NKAIN3: variants seen among roughly 807,000 people sequenced by gnomAD.
NKAIN3 encodes the protein sodium/potassium transporting ATPase interacting 3.
A neutral mutation model predicts 30.2 loss-of-function variants in NKAIN3; 25 were observed. The ratio of observed to expected loss-of-function variants is 0.83; its 90% confidence interval spans 0.60 to 1.16. The LOEUF is 1.16. Among genes scored for constraint, NKAIN3 ranks in the 50% most tolerant of loss-of-function variants. The pLI is 0.00. For missense variants in NKAIN3, 225 were observed against 254.1 expected, an observed-to-expected ratio of 0.89 and a Z score of 0.78; for synonymous variants, 91 against 89.6, an observed-to-expected ratio of 1.02 and a Z score of -0.09.
intron 4 of NKAIN3, among the ~76,000 whole-genome samples, chr8:62,822,179 A>G (rs890190158): frequency 2.0e-5 from 3 of 152,172 alleles, no homozygotes; most frequent in African/African-American, 7.2e-5. Context: ...ACTGACCTAT[A>G]GTGATTGTTC....
chr8:62,449,460 T>G (rs576633325), intron 1 of NKAIN3, among the ~76,000 whole-genome samples: 18 of 152,188 alleles, frequency 1.2e-4, no homozygotes, highest in Admixed American at 2.6e-4. Context: ...CTTTCATATA[T>G]ATGTCACCAT....
chr8:62,989,830 T>C (rs190892647), downstream of NKAIN3, among the ~76,000 whole-genome samples: 2 of 152,350 alleles, frequency 1.3e-5, no homozygotes, highest in Non-Finnish European at 2.9e-5. Flanking sequence ...TTATTAGACA[T>C]TGAACCCTAA....
At chr8:62,464,164 G>A (rs1806083282) in intron 1 of NKAIN3, among the ~76,000 whole-genome samples, 1 of 152,094 alleles carries the variant, frequency 6.6e-6, no homozygotes, top group African/African-American at 2.4e-5. Context: ...GGAGTATGTG[G>A]GAATTCTCCA....
chr8:62,584,285 G>C (rs1333915682), intron 2 of NKAIN3, among the ~76,000 whole-genome samples: 1 of 152,148 alleles, frequency 6.6e-6, no homozygotes, highest in African/African-American at 2.4e-5. Flanking sequence ...GGAGCACCAG[G>C]TATGTGCTAA....
chr8:62,717,670 T>G (rs943466388), intron 3 of NKAIN3, among the ~76,000 whole-genome samples: 1 of 152,236 alleles, frequency 6.6e-6, no homozygotes, highest in Non-Finnish European at 1.5e-5. Flanking sequence ...TTATTTGTTA[T>G]GTATGTCTGT....
At chr8:62,650,484 C>T (rs1812590120) in intron 3 of NKAIN3, among the ~76,000 whole-genome samples, 1 of 152,172 alleles carries the variant, frequency 6.6e-6, no homozygotes, top group Non-Finnish European at 1.5e-5. Context: ...TCTAAGGACA[C>T]ATTGTCTGCT....
intron 1 of NKAIN3, among the ~76,000 whole-genome samples, chr8:62,448,458 G>T (rs1805548061): frequency 7.0e-6 from 1 of 143,214 alleles, no homozygotes. Flanking sequence ...GTAACATATT[G>T]TAGAGCTTCT....
At chr8:62,633,402 C>A (rs1208436906) in intron 3 of NKAIN3, among the ~76,000 whole-genome samples, 1 of 152,070 alleles carries the variant, frequency 6.6e-6, no homozygotes, top group East Asian at 1.9e-4. Flanking sequence ...TTTGTATATA[C>A]ATTTATGGTT....
At chr8:62,525,593 C>A (rs775164254) in intron 1 of NKAIN3, among the ~76,000 whole-genome samples, 5 of 152,130 alleles carry the variant, frequency 3.3e-5, no homozygotes, top group Non-Finnish European at 7.4e-5. Context: ...ATCATAAAGG[C>A]ACATGCAGGT....
intron 3 of NKAIN3, among the ~76,000 whole-genome samples, chr8:62,625,279 GT>G (rs1811757030): frequency 1.3e-5 from 2 of 152,206 alleles, no homozygotes. Flanking sequence ...GACTTTAAGT[GT>G]TATCATAAGT....
At chr8:62,407,000 T>G (rs1466899442) in intron 1 of NKAIN3, among the ~76,000 whole-genome samples, 1 of 152,218 alleles carries the variant, frequency 6.6e-6, no homozygotes, top group African/African-American at 2.4e-5. Flanking sequence ...CATCACTGGC[T>G]GAATTAGAAT....
rs1296547801 is a variant in NKAIN3 at position 62,490,371 on chromosome 8, TA to T, written c.55-89165del. 2.6e-5 allele frequency among the ~76,000 whole-genome samples: 4 copies of T among 152,306 alleles called. No homozygotes were observed. In the East Asian group the frequency reaches 7.7e-4, roughly 29 times the overall value. On this transcript the variant is annotated intron_variant, in intron 1 of 6. Transcript: ENST00000623646. ...CGGTTTAGCTGGCCCTGCAATTGTA[TA>T]AACAAATCACATGCAATAAATCTCT...
At chr8:62,907,530 A>C (rs1011507848) in intron 4 of NKAIN3, among the ~76,000 whole-genome samples, 10 of 152,156 alleles carry the variant, frequency 6.6e-5, no homozygotes, top group Non-Finnish European at 1.2e-4. Context: ...CCCCATAACA[A>C]GCTGGTAGGC....
intron 3 of NKAIN3, among the ~76,000 whole-genome samples, chr8:62,667,655 G>A (rs1813169359): frequency 2.0e-5 from 3 of 151,740 alleles, no homozygotes; most frequent in Admixed American, 1.3e-4. Flanking sequence ...TTCCATGCTC[G>A]CCACCCCGCT....
intron 1 of NKAIN3, among the ~76,000 whole-genome samples, chr8:62,296,066 C>A (rs1813818281): frequency 6.6e-6 from 1 of 152,168 alleles, no homozygotes; most frequent in South Asian, 2.1e-4. Context: ...TTGACTACAG[C>A]AAATGCCCCC....
At chr8:62,431,160 A>G (rs1035679268) in intron 1 of NKAIN3, among the ~76,000 whole-genome samples, 2 of 151,936 alleles carry the variant, frequency 1.3e-5, no homozygotes, top group Non-Finnish European at 2.9e-5. Context: ...TGTCACATCC[A>G]AAGATAGTCT....
intron 1 of NKAIN3, among the ~76,000 whole-genome samples, chr8:62,397,741 C>T (rs762108118): frequency 2.0e-5 from 3 of 152,238 alleles, no homozygotes; most frequent in Non-Finnish European, 2.9e-5. Flanking sequence ...GCCCTGGAGT[C>T]GGCGCTACGG....
intron 1 of NKAIN3, among the ~76,000 whole-genome samples, chr8:62,288,019 C>T (rs930904485): frequency 1.3e-5 from 2 of 152,158 alleles, no homozygotes; most frequent in Non-Finnish European, 2.9e-5. Context: ...TGACAATAGC[C>T]TATGAAGGCT....
chr8:62,874,028 A>C (rs1820722393), intron 4 of NKAIN3, among the ~76,000 whole-genome samples: 1 of 152,146 alleles, frequency 6.6e-6, no homozygotes, highest in Non-Finnish European at 1.5e-5. Flanking sequence ...ACCCTCCAAA[A>C]AATCAACGAA....
Sources: gnomAD v4.1 joint callset for allele counts (sites outside exome capture counted in the v4.1 genomes callset) on GRCh38, gnomAD v4.1.1 for gene constraint, MANE v1.5 for transcripts, NCBI Gene and HGNC (gene_info 2026-07-23, HGNC 2026-07-21) for gene names.